Variants in SERBP1 observed in about 807,000 individuals in gnomAD.
The protein encoded by SERBP1 is SERPINE1 mRNA binding protein 1.
SERBP1 carries 6 observed loss-of-function variants against 50.2 expected under a neutral mutation model. The observed-to-expected ratio is 0.12, with a 90% CI of 0.07 to 0.24. SERBP1 has a LOEUF of 0.24. SERBP1 is among the 10% of genes least tolerant of loss of function. The pLI is 1.00. For missense variants in SERBP1, 346 were observed against 524.9 expected (o/e 0.66, Z 3.33); for synonymous variants, 168 against 182.8 (o/e 0.92, Z 0.65).
intron 1 of SERBP1, 147 bp downstream of exon 1, chr1:67,429,841 C>A: frequency 2.1e-6 from 2 of 949,300 alleles, no homozygotes; most frequent in Non-Finnish European, 3.2e-6. Context: ...CTTCGCAGGA[C>A]CGGACTTTTG....
In SERBP1 at chr1:67,415,190, T is replaced by G; in HGVS notation, c.1101A>C (p.Pro367=). 1 of 1,600,702 alleles carries G rather than the reference T, an allele frequency of 6.2e-7. No homozygotes were observed. The highest frequency in any genetic ancestry group is 1.1e-5 in the South Asian group (1 of 88,496). The stretch of plus-strand genomic sequence containing the variant: ...CCTTGTCGGTCCTGCTGCCACGGTT[T>G]GGGCGCCCACCACGCCCACGTCCAC... ...GRGGRGRGGR[P]NRGSRTDKSS... is the part of the protein sequence containing the mutation. The change falls in exon 7 of 8, where the codon CCA becomes CCC. Residue 367 remains proline, a synonymous_variant. Coordinates refer to ENST00000361219, the MANE Select transcript of SERBP1 (RefSeq NM_001018069.2).
intron 1 of SERBP1, among the ~76,000 whole-genome samples, chr1:67,429,036 C>T (rs1367866089): frequency 6.6e-6 from 1 of 152,074 alleles, no homozygotes. Flanking sequence ...TCAAGACAAT[C>T]CTGTGAAACT....
rs1464839603 is a variant in SERBP1 at position 67,415,166 on chromosome 1, C to T, written c.1125G>A (p.Lys375=). The change falls in exon 7 of 8, where the codon AAG becomes AAA. Residue 375 remains lysine (K), a splice_region_variant and synonymous_variant. Coordinates refer to ENST00000361219, the MANE Select transcript of SERBP1 (RefSeq NM_001018069.2). ...AAAGGAAAAGAAAGTCTTAAATTAC[C>T]TTGTCGGTCCTGCTGCCACGGTTTG... ...GRPNRGSRTD[K]SSASAPDVDD... is the part of the protein sequence containing the mutation. 1.9e-6 allele frequency: 3 copies of T among 1,568,846 alleles called. No homozygotes were observed. The highest frequency in any genetic ancestry group is 2.4e-5 in the South Asian group (2 of 83,630).
intron 1 of SERBP1, among the ~76,000 whole-genome samples, chr1:67,428,542 GATTT>G (rs1224880304): frequency 3.3e-5 from 5 of 152,134 alleles, no homozygotes; most frequent in East Asian, 1.9e-4. Flanking sequence ...CGAATTAAAT[GATTT>G]ATTTAATTGT....
intron 4 of SERBP1, among the ~76,000 whole-genome samples, 153 bp downstream of exon 4, chr1:67,424,735 T>C (rs1667313726): frequency 6.6e-6 from 1 of 152,166 alleles, no homozygotes; most frequent in Non-Finnish European, 1.5e-5. Flanking sequence ...CAATATACTA[T>C]AACCCAAACC....
At position 67,430,037 on chromosome 1, in the gene SERBP1, C is replaced by A; in HGVS notation, c.264G>T (p.Val88=). The A allele has an allele frequency of 1.2e-6, 2 of 1,612,766 alleles. No individual in the cohort carries two copies. The highest frequency in any genetic ancestry group is 1.7e-6 in the Non-Finnish European group (2 of 1,179,534). ...GCTGCGTCTCCTCTTTCTTGTCAAC[C>A]ACGCCAACGCTGGGGGGCAGCGGGT... ...RKNPLPPSVG[V]VDKKEETQPP... is the part of the protein sequence containing the mutation. Residue 88 remains valine, a synonymous_variant, in exon 1 of 8, where the codon GTG becomes GTT. Coordinates refer to ENST00000361219, the MANE Select transcript of SERBP1 (RefSeq NM_001018069.2).
intron 1 of SERBP1, chr1:67,429,552 A>T: frequency 6.4e-6 from 1 of 156,788 alleles, no homozygotes; most frequent in Non-Finnish European, 1.4e-5. Context: ...ACAGCACCTC[A>T]AAGGAGCAGC....
intron 1 of SERBP1, 132 bp from the exon 2 acceptor site, chr1:67,426,417 C>G: frequency 1.3e-6 from 1 of 781,370 alleles, no homozygotes; most frequent in Non-Finnish European, 1.9e-6. Flanking sequence ...CACTGGGCAA[C>G]TCTAATGTGT....
At position 67,409,690 on chromosome 1, in the gene SERBP1, TAAAAGTC is replaced by T. The variant is rs988962322; in HGVS notation, c.*3510_*3516del. On this transcript the variant is annotated 3_prime_UTR_variant, in exon 8 of 8. Transcript: ENST00000361219. ...TTCACATAACCTCCAAATTTGAACT[TAAAAGTC>T]AAGGAAGATGAAGAGGTAATCCCAG... 1 of 152,154 alleles carries T rather than the reference TAAAAGTC, an allele frequency of 6.6e-6. No individual in the cohort carries two copies. The highest frequency in any genetic ancestry group is 2.4e-5 in the African/African-American group (1 of 41,432). The allele number at this position is 152,154 out of a possible 1,614,324, so 9.4% of individuals were successfully genotyped here. A position where few individuals can be genotyped will look rare whatever the true frequency, so the allele number is the denominator to read the frequency against.
chr1:67,419,180 A>C (rs1667126257), intron 6 of SERBP1, among the ~76,000 whole-genome samples: 1 of 152,254 alleles, frequency 6.6e-6, no homozygotes, highest in Non-Finnish European at 1.5e-5. Context: ...TCCAAAATAA[A>C]GACCTTTGTG....
intron 4 of SERBP1, 100 bp downstream of exon 4, chr1:67,424,783 CAGAAG>C: frequency 1.2e-6 from 1 of 868,444 alleles, no homozygotes; most frequent in Non-Finnish European, 1.9e-6. Flanking sequence ...TAGTAACTCT[CAGAAG>C]AGAGCATTCA....
At chr1:67,413,455 C>G (rs529184420) in intron 7 of SERBP1, among the ~76,000 whole-genome samples, 192 bp from the exon 8 acceptor site, 8 of 152,006 alleles carry the variant, frequency 5.3e-5, no homozygotes, top group Non-Finnish European at 8.8e-5. Context: ...TTGAGACCAG[C>G]CTGGCCAACA....
chr1:67,428,758 C>T (rs1667469434), intron 1 of SERBP1, among the ~76,000 whole-genome samples: 1 of 150,792 alleles, frequency 6.6e-6, no homozygotes, highest in East Asian at 1.9e-4. Flanking sequence ...AAAAACCCTC[C>T]TAAAACAAAT....
intron 6 of SERBP1, 55 bp downstream of exon 6, chr1:67,419,954 A>C: frequency 6.7e-7 from 1 of 1,490,404 alleles, no homozygotes; most frequent in Non-Finnish European, 9.3e-7. Context: ...AAAAATTATA[A>C]ATACAATTCA....
At position 67,409,329 on chromosome 1, in the gene SERBP1, T is replaced by TG. The variant is rs1557495803; in HGVS notation, c.*3877_*3878insC. 1 of 42,242 alleles carries TG rather than the reference T, an allele frequency of 2.4e-5. No homozygotes were observed. Among genetic ancestry groups the TG allele is most frequent in the African/African-American group, 4.6e-5 (1 of 21,614 alleles). 2.6% of individuals were successfully genotyped at this position (42,242 alleles called of 1,614,324 possible). A position where few individuals can be genotyped will look rare whatever the true frequency, so the allele number is the denominator to read the frequency against. On this transcript the variant is annotated 3_prime_UTR_variant, in exon 8 of 8. Coordinates refer to ENST00000361219, the MANE Select transcript of SERBP1 (RefSeq NM_001018069.2). ...TGGGCTGCCTACATTTTTCTGTGGG[T>TG]TTTTTTTTTTTTTAATCCTATACAA...
chr1:67,424,402 G>T, intron 4 of SERBP1, 125 bp from the exon 5 acceptor site: 1 of 1,262,206 alleles, frequency 7.9e-7, no homozygotes, highest in Non-Finnish European at 1.1e-6. Flanking sequence ...AATACCATAA[G>T]CTCTCACATT....
rs1398224138 is a variant in SERBP1 at position 67,410,315 on chromosome 1, T to C, written c.*2892A>G. 1 of 152,298 alleles carries C rather than the reference T, an allele frequency of 6.6e-6. No homozygotes were observed. Among genetic ancestry groups the C allele is most frequent in the East Asian group, 1.9e-4 (1 of 5,188 alleles). The allele number at this position is 152,298 out of a possible 1,614,324, so 9.4% of individuals were successfully genotyped here. On this transcript the variant is annotated 3_prime_UTR_variant, in exon 8 of 8. Transcript: ENST00000361219. ...TTAGGCTTTGTATGCAACTCCCTGT[T>C]CTATTTCAGTGCAACCATCTCTGGC...
chr1:67,416,286 T>G (rs1667009243), intron 6 of SERBP1, among the ~76,000 whole-genome samples: 1 of 152,236 alleles, frequency 6.6e-6, no homozygotes, highest in Non-Finnish European at 1.5e-5. Context: ...GTGCTGGGAC[T>G]ACAGGCATGA....
intron 7 of SERBP1, 88 bp downstream of exon 7, chr1:67,415,078 G>A: frequency 1.4e-6 from 2 of 1,386,686 alleles, no homozygotes; most frequent in Non-Finnish European, 1.9e-6. Flanking sequence ...TTCTACTTAT[G>A]TTCCCAAAAG....
Sources: allele counts gnomAD v4.1 joint callset (sites outside exome capture counted in the v4.1 genomes callset), GRCh38; gene constraint gnomAD v4.1.1; transcripts MANE v1.5; gene names NCBI Gene and HGNC (gene_info 2026-07-23, HGNC 2026-07-21).